Variants in PPP2R5E observed in about 807,000 individuals in gnomAD.
PPP2R5E encodes serine/threonine-protein phosphatase 2A 56 kDa regulatory subunit epsilon isoform.
Under a neutral mutation model 65.3 loss-of-function variants are expected in PPP2R5E, and 4 were observed. The observed-to-expected ratio is 0.06, with a 90% confidence interval of 0.03 to 0.14. The LOEUF (loss-of-function observed/expected upper bound fraction) is 0.14, where lower values mean the gene tolerates loss of function less well. Ranked by LOEUF, PPP2R5E falls within the 10% of genes least tolerant of loss-of-function variation. The pLI, the probability that PPP2R5E is intolerant of heterozygous loss-of-function variation, is 1.00. For synonymous variants in PPP2R5E, 183 were observed against 187.4 expected (o/e 0.98, Z 0.19); for missense variants, 274 against 556.1 (o/e 0.49, Z 5.10).
At chr14:63,530,626 ATTTCTTT>A (rs1290558261) in intron 2 of PPP2R5E, among the ~76,000 whole-genome samples, 1 of 131,384 alleles carries the variant, frequency 7.6e-6, no homozygotes, top group African/African-American at 2.8e-5. Flanking sequence ...CTGACTCTCA[ATTTCTTT>A]TTTTTTTTTT....
At chr14:63,463,136 GTTTTT>G (rs1889584695) in intron 2 of PPP2R5E, among the ~76,000 whole-genome samples, 1 of 71,740 alleles carries the variant, frequency 1.4e-5, no homozygotes, top group Non-Finnish European at 2.4e-5. Flanking sequence ...TGGTTTTTTT[GTTTTT>G]GTTTTTGTTT....
intron 2 of PPP2R5E, among the ~76,000 whole-genome samples, chr14:63,485,437 G>A (rs1301769815): frequency 2.6e-5 from 4 of 151,980 alleles, no homozygotes; most frequent in East Asian, 1.9e-4. Flanking sequence ...TTTTTGAGAC[G>A]GAGTTTCACT....
intron 3 of PPP2R5E, chr14:63,452,165 T>A (rs902256540): frequency 1.3e-5 from 2 of 152,216 alleles, no homozygotes; most frequent in African/African-American, 4.8e-5. Flanking sequence ...TATATATTCA[T>A]GAACTATCCA....
chr14:63,477,603 T>C lies in PPP2R5E; in HGVS notation c.158-23718A>G, dbSNP rs560176529. Among the ~76,000 whole-genome samples, 34 of 152,058 alleles carry C rather than the reference T, an allele frequency of 2.2e-4. No individual in the cohort carries two copies. In the South Asian group the frequency reaches 6.8e-3, roughly 31 times the overall value. On this transcript the variant is annotated intron_variant, in intron 2 of 13. Transcript: ENST00000337537. ...TAAGAAAAAAAAGGGAAAAACAAAT[T>C]AGATATATTGCCTATAAAACTTAAT...
At chr14:63,429,947 G>A (rs1323869525) in intron 3 of PPP2R5E, among the ~76,000 whole-genome samples, 4 of 152,040 alleles carry the variant, frequency 2.6e-5, no homozygotes, top group African/African-American at 7.2e-5. Flanking sequence ...GCCTCCCAAA[G>A]TGCCGGGATT....
At chr14:63,461,847 T>TAC (rs10695748) in intron 2 of PPP2R5E, among the ~76,000 whole-genome samples, 6,844 of 150,864 alleles carry the variant, frequency 0.045, 391 homozygotes, top group African/African-American at 0.12. Context: ...CCCTCACACA[T>TAC]ACACACACAC....
intron 2 of PPP2R5E, among the ~76,000 whole-genome samples, chr14:63,462,985 C>A (rs1178703751): frequency 1.3e-5 from 2 of 150,758 alleles, no homozygotes; most frequent in Non-Finnish European, 3.0e-5. Flanking sequence ...GCCTGTAATC[C>A]CAGCTACCCG....
intron 5 of PPP2R5E, among the ~76,000 whole-genome samples, chr14:63,402,285 C>T (rs1192920359): frequency 1.3e-5 from 2 of 152,144 alleles, no homozygotes; most frequent in East Asian, 3.8e-4. Flanking sequence ...TGGCAAGGTC[C>T]CTGACCAGTT....
At chr14:63,437,644 T>C (rs564488685) in intron 3 of PPP2R5E, among the ~76,000 whole-genome samples, 72 of 152,302 alleles carry the variant, frequency 4.7e-4, no homozygotes, top group Admixed American at 4.1e-3. Context: ...TGGTCTATCC[T>C]ATTCTCATAA....
chr14:63,430,905 A>G (rs1218607955), intron 3 of PPP2R5E, among the ~76,000 whole-genome samples: 1 of 152,220 alleles, frequency 6.6e-6, no homozygotes, highest in Non-Finnish European at 1.5e-5. Flanking sequence ...CTTGTCATCT[A>G]TATGAATTAA....
intron 6 of PPP2R5E, among the ~76,000 whole-genome samples, chr14:63,395,748 GGAGGAGGAGGGGGGAAGA>G (rs150644744): frequency 0.011 from 43 of 3,874 alleles, 3 homozygotes; most frequent in East Asian, 0.039. Context: ...GAGGGAAAAG[GGAGGAGGAGGGGGGAAGA>G]GAGGAGGAGA....
chr14:63,426,598 T>C (rs930351574), intron 3 of PPP2R5E, among the ~76,000 whole-genome samples: 14 of 151,048 alleles, frequency 9.3e-5, no homozygotes, highest in Admixed American at 5.3e-4. Flanking sequence ...AGTTACACCT[T>C]CCATTGCAAG....
chr14:63,404,431 A>G (rs750047132), intron 5 of PPP2R5E, among the ~76,000 whole-genome samples: 8 of 152,228 alleles, frequency 5.3e-5, no homozygotes, highest in South Asian at 4.1e-4. Flanking sequence ...CCTGAAAACT[A>G]TCTTCCTCAT....
At chr14:63,529,480 C>A (rs1170834319) in intron 2 of PPP2R5E, among the ~76,000 whole-genome samples, 1 of 151,962 alleles carries the variant, frequency 6.6e-6, no homozygotes, top group Non-Finnish European at 1.5e-5. Flanking sequence ...CCTGCCTCAG[C>A]CTTCCGAGTA....
chr14:63,458,528 T>C (rs1332279151), intron 2 of PPP2R5E, among the ~76,000 whole-genome samples: 2 of 152,202 alleles, frequency 1.3e-5, no homozygotes, highest in East Asian at 1.9e-4. Flanking sequence ...AAATTCACAT[T>C]TGCAAATATG....
chr14:63,535,843 T>C (rs536405175), intron 2 of PPP2R5E, among the ~76,000 whole-genome samples: 2 of 152,306 alleles, frequency 1.3e-5, no homozygotes, highest in Non-Finnish European at 1.5e-5. Context: ...GCATATAGTG[T>C]TTATCCTGGT....
chr14:63,518,510 C>T (rs1892753642), intron 2 of PPP2R5E, among the ~76,000 whole-genome samples: 1 of 152,192 alleles, frequency 6.6e-6, no homozygotes, highest in African/African-American at 2.4e-5. Flanking sequence ...TCCCAAATCA[C>T]TGTAATTACA....
chr14:63,520,337 G>A (rs1249895185), intron 2 of PPP2R5E, among the ~76,000 whole-genome samples: 3 of 152,152 alleles, frequency 2.0e-5, no homozygotes, highest in Non-Finnish European at 4.4e-5. Flanking sequence ...GCCCAGCCAA[G>A]AAGAACCTTA....
At chr14:63,535,321 C>G (rs1172230030) in intron 2 of PPP2R5E, among the ~76,000 whole-genome samples, 1 of 151,928 alleles carries the variant, frequency 6.6e-6, no homozygotes, top group African/African-American at 2.4e-5. Flanking sequence ...ACTCAGGAGC[C>G]TGAGGCAAGA....
Sources: allele counts gnomAD v4.1 joint callset (sites outside exome capture counted in the v4.1 genomes callset), GRCh38; gene constraint gnomAD v4.1.1; transcripts MANE v1.5; gene names NCBI Gene and HGNC (gene_info 2026-07-23, HGNC 2026-07-21).